ELP4: variants seen among roughly 807,000 people sequenced by gnomAD.
ELP4 encodes elongator complex protein 4.
ELP4 carries 51 observed loss-of-function variants against 48.9 expected under a neutral mutation model. That is an observed-to-expected ratio of 1.04 (90% confidence interval 0.83 to 1.32). ELP4 has a LOEUF of 1.32. Ranked by LOEUF, ELP4 falls within the 40% of genes most tolerant of loss-of-function variation. The probability of loss-of-function intolerance (pLI) is 0.00; values close to 1 mark genes in which losing one functional copy is unlikely to be tolerated. For missense variants in ELP4, 519 were observed against 514.6 expected (o/e 1.01, Z -0.08); for synonymous variants, 210 against 189.2 (o/e 1.11, Z -0.90).
At chr11:31,734,825 A>G (rs1015568092) in intron 9 of ELP4, among the ~76,000 whole-genome samples, 1 of 152,218 alleles carries the variant, frequency 6.6e-6, no homozygotes, top group Non-Finnish European at 1.5e-5. Flanking sequence ...TCCCTATGGG[A>G]AGCCCAGTGG....
At chr11:31,552,896 T>A (rs1956875242) in intron 3 of ELP4, among the ~76,000 whole-genome samples, 1 of 152,170 alleles carries the variant, frequency 6.6e-6, no homozygotes, top group Non-Finnish European at 1.5e-5. Flanking sequence ...ATTCTGTTTA[T>A]ATGAACTGCC....
At chr11:31,518,895 CAA>C (rs34767268) in intron 1 of ELP4, among the ~76,000 whole-genome samples, 33 of 66,958 alleles carry the variant, frequency 4.9e-4, no homozygotes, top group Admixed American at 8.9e-4. Context: ...GACTCTGTCT[CAA>C]AAAAAAAAAA....
At chr11:31,557,125 G>A (rs923733604) in intron 3 of ELP4, among the ~76,000 whole-genome samples, 26 of 151,704 alleles carry the variant, frequency 1.7e-4, no homozygotes, top group Non-Finnish European at 1.0e-4. Context: ...TAGTAATAAA[G>A]CAATACATAT....
chr11:31,544,173 T>C (rs1956646860), intron 3 of ELP4, among the ~76,000 whole-genome samples: 1 of 152,222 alleles, frequency 6.6e-6, no homozygotes, highest in Non-Finnish European at 1.5e-5. Context: ...CAGTGCACCA[T>C]GCGCAAGCCG....
At chr11:31,632,456 AC>A in intron 7 of ELP4, 51 bp downstream of exon 7, 4 of 1,436,794 alleles carry the variant, frequency 2.8e-6, no homozygotes, top group South Asian at 1.5e-5. Context: ...ATATAGTATG[AC>A]ATTGTGGTTT....
intron 6 of ELP4, chr11:31,628,553 G>GA (rs1247689249): frequency 6.6e-6 from 1 of 151,652 alleles, no homozygotes; most frequent in African/African-American, 2.4e-5. Context: ...ATTCGATGAT[G>GA]AAAACACTAT....
At chr11:31,751,802 A>G (rs1307525385) in intron 9 of ELP4, among the ~76,000 whole-genome samples, 2 of 152,150 alleles carry the variant, frequency 1.3e-5, no homozygotes, top group Non-Finnish European at 2.9e-5. Flanking sequence ...AAAAATGCCA[A>G]CCACATAAGC....
chr11:31,742,112 T>C (rs918085833), intron 9 of ELP4, among the ~76,000 whole-genome samples: 2 of 152,148 alleles, frequency 1.3e-5, no homozygotes, highest in African/African-American at 4.8e-5. Flanking sequence ...GAAGCCTCAG[T>C]AGCCGATGCG....
At position 31,644,390 on chromosome 11, in the gene ELP4, TTCTA is replaced by T. The variant is rs553632341; in HGVS notation, c.928-3345_928-3342del. On this transcript the variant is annotated intron_variant, in intron 7 of 9. Transcript: ENST00000640961. ...CGTACAAATGCCTCTACTTCTCCAT[TTCTA>T]TCTATTAATATATACTGAAGACCAA... is the stretch of plus-strand genomic sequence containing the variant. Among the ~76,000 whole-genome samples, 10 of 151,904 alleles carry T rather than the reference TTCTA, an allele frequency of 6.6e-5. No homozygotes were observed. In the South Asian group the frequency reaches 2.1e-3, roughly 32 times the overall value.
At chr11:31,531,175 A>T (rs1294048328) in intron 2 of ELP4, among the ~76,000 whole-genome samples, 2 of 152,240 alleles carry the variant, frequency 1.3e-5, no homozygotes, top group Non-Finnish European at 2.9e-5. Flanking sequence ...TTGAAAAAAC[A>T]GAAGTGATAA....
At chr11:31,662,263 A>G (rs1297476200) in intron 9 of ELP4, among the ~76,000 whole-genome samples, 4 of 152,136 alleles carry the variant, frequency 2.6e-5, no homozygotes, top group African/African-American at 9.6e-5. Flanking sequence ...ATAGTACTAT[A>G]AACATGAGCA....
intron 5 of ELP4, among the ~76,000 whole-genome samples, chr11:31,626,533 A>G (rs1944747311): frequency 6.6e-6 from 1 of 151,872 alleles, no homozygotes; most frequent in Non-Finnish European, 1.5e-5. Context: ...ATGAGAAATA[A>G]ATTTGGTTTT....
intron 1 of ELP4, among the ~76,000 whole-genome samples, chr11:31,514,731 TTAAAAG>T (rs1209978116): frequency 1.3e-5 from 2 of 152,176 alleles, no homozygotes; most frequent in Non-Finnish European, 2.9e-5. Context: ...ATTACTAAAT[TTAAAAG>T]TAAATTAAAA....
intron 9 of ELP4, among the ~76,000 whole-genome samples, chr11:31,739,994 T>C (rs1947410011): frequency 6.6e-6 from 1 of 152,254 alleles, no homozygotes; most frequent in African/African-American, 2.4e-5. Flanking sequence ...ATAGACATGC[T>C]TTGCTCTGAA....
chr11:31,528,008 T>C (rs1956326523), intron 2 of ELP4, among the ~76,000 whole-genome samples: 1 of 152,122 alleles, frequency 6.6e-6, no homozygotes, highest in Non-Finnish European at 1.5e-5. Context: ...TTGCTGCCTT[T>C]TATTTTCCTC....
chr11:31,729,719 T>A (rs955835607), intron 9 of ELP4, among the ~76,000 whole-genome samples: 1 of 152,198 alleles, frequency 6.6e-6, no homozygotes, highest in South Asian at 2.1e-4. Context: ...AAACAACCAG[T>A]TGGCTTATTA....
At position 31,783,465 on chromosome 11, in the gene ELP4, A is replaced by G; in HGVS notation, c.1216A>G (p.Lys406Glu). 6.2e-7 allele frequency: 1 copy of G among 1,614,152 alleles called. No individual in the cohort carries two copies. Among genetic ancestry groups the G allele is most frequent in the Non-Finnish European group, 8.5e-7 (1 of 1,179,994 alleles). ...CAAAATGGATCTGGCAGAATCCGCC[A>G]AGCGGCTGGGCCCAGGCTGTGGCAT... Reference protein sequence around the residue: ...SSKMDLAESAKRLGPGCGMMA... With the variant: ...SSKMDLAESAERLGPGCGMMA... Residue 406 changes from lysine (K) to glutamate (E), a missense_variant, in exon 10 of 10, where the codon AAG becomes GAG. Physicochemically the swap from Lys to Glu is moderately conservative, Grantham distance 56. Coordinates refer to ENST00000640961, the MANE Select transcript of ELP4 (RefSeq NM_019040.5).
In ELP4 at chr11:31,578,245, G is replaced by A. The variant is rs189971695; in HGVS notation, c.382-16525G>A. Among the ~76,000 whole-genome samples the A allele has an allele frequency of 2.4e-3, 361 of 152,276 alleles. 2 individuals carry two copies. In the Middle Eastern group the frequency reaches 0.051, roughly 22 times the overall value. ...AATCCACCTTACAAGGGATGTGAAGGACCTCTTCAAGGAGAACTACAAACC... is the reference window on the plus strand; with the variant it reads ...AATCCACCTTACAAGGGATGTGAAGAACCTCTTCAAGGAGAACTACAAACC... On this transcript the variant is annotated intron_variant, in intron 3 of 9. Coordinates refer to ENST00000640961, the MANE Select transcript of ELP4 (RefSeq NM_019040.5).
chr11:31,549,145 TTAAAC>T (rs1956790770), intron 3 of ELP4, among the ~76,000 whole-genome samples: 1 of 151,450 alleles, frequency 6.6e-6, no homozygotes. Flanking sequence ...TGGGATCTAA[TTAAAC>T]TAAAGAGCTT....
Sources: gnomAD v4.1 joint callset for allele counts (sites outside exome capture counted in the v4.1 genomes callset) on GRCh38, gnomAD v4.1.1 for gene constraint, MANE v1.5 for transcripts, NCBI Gene and HGNC (gene_info 2026-07-23, HGNC 2026-07-21) for gene names.